Variants in FMNL2 observed in about 807,000 individuals in gnomAD.
FMNL2 encodes formin-like protein 2.
FMNL2 carries 51 observed loss-of-function variants against 130.2 expected under a neutral mutation model. The ratio of observed to expected loss-of-function variants is 0.39; its 90% confidence interval spans 0.31 to 0.49. The LOEUF (loss-of-function observed/expected upper bound fraction) is 0.49. Ranked by LOEUF, FMNL2 falls within the 20% of genes least tolerant of loss-of-function variation. The probability of loss-of-function intolerance (pLI) is 0.85; values close to 1 mark genes in which losing one functional copy is unlikely to be tolerated. For synonymous variants in FMNL2, 465 were observed against 467.1 expected (o/e 1.00, Z 0.06); for missense variants, 977 against 1,316.2 (o/e 0.74, Z 3.99).
intron 1 of FMNL2, among the ~76,000 whole-genome samples, chr2:152,398,592 G>T (rs186337575): frequency 3.3e-5 from 5 of 152,256 alleles, no homozygotes; most frequent in Admixed American, 3.3e-4. Context: ...AGTCCTGAGG[G>T]AGGTAAAACA....
chr2:152,634,827 T>C (rs1314705683), intron 21 of FMNL2, among the ~76,000 whole-genome samples: 1 of 152,196 alleles, frequency 6.6e-6, no homozygotes, highest in East Asian at 1.9e-4. Context: ...ATCTCATTGA[T>C]TTGCTGAGCA....
At chr2:152,602,623 G>A (rs771133308) in intron 9 of FMNL2, among the ~76,000 whole-genome samples, 70 of 152,168 alleles carry the variant, frequency 4.6e-4, no homozygotes, top group Non-Finnish European at 9.4e-4. Context: ...AGAATGACAC[G>A]TTTCAGCTGC....
intron 21 of FMNL2, among the ~76,000 whole-genome samples, chr2:152,634,394 C>T (rs1682407059): frequency 6.6e-6 from 1 of 152,226 alleles, no homozygotes; most frequent in Non-Finnish European, 1.5e-5. Context: ...GACTGTACCA[C>T]TTCACTCCAG....
At chr2:152,345,837 C>T (rs11692786) in intron 1 of FMNL2, among the ~76,000 whole-genome samples, 37,964 of 151,992 alleles carry the variant, frequency 0.25, 6,072 homozygotes, top group East Asian at 0.83. Context: ...GCTTGTGCAG[C>T]CCTTCCTCTT....
At chr2:152,427,053 G>C (rs1041643774) in intron 1 of FMNL2, among the ~76,000 whole-genome samples, 3 of 152,136 alleles carry the variant, frequency 2.0e-5, no homozygotes, top group African/African-American at 7.2e-5. Context: ...CCAACTCCTC[G>C]TAGGAGAGGA....
At chr2:152,626,477 A>G (rs1383784600) in intron 16 of FMNL2, 48 bp from the exon 17 acceptor site, 1 of 1,505,870 alleles carries the variant, frequency 6.6e-7, no homozygotes. Flanking sequence ...TCCGGACTTC[A>G]TTTTTAAATA....
chr2:152,393,535 TTGAC>T (rs752819230), intron 1 of FMNL2, among the ~76,000 whole-genome samples: 4 of 152,258 alleles, frequency 2.6e-5, no homozygotes, highest in African/African-American at 4.8e-5. Flanking sequence ...TAGCTCTTGT[TTGAC>T]TGTCCCCCTG....
At chr2:152,473,794 G>A (rs1264646790) in intron 1 of FMNL2, among the ~76,000 whole-genome samples, 6 of 152,166 alleles carry the variant, frequency 3.9e-5, no homozygotes, top group Admixed American at 2.0e-4. Flanking sequence ...TATGTACAAT[G>A]AATATCTTGG....
In FMNL2 at chr2:152,335,638, C is replaced by T; in HGVS notation, c.35C>T (p.Thr12Ile). 6.3e-7 allele frequency: 1 copy of T among 1,593,618 alleles called. No homozygotes were observed. Among genetic ancestry groups the T allele is most frequent in the East Asian group, 2.4e-5 (1 of 42,332 alleles). Residue 12 changes from threonine (T) to isoleucine (I), a missense_variant, in exon 1 of 26, where the codon ACC becomes ATC. Physicochemically the swap from Thr to Ile is moderately conservative, Grantham distance 89. Coordinates refer to ENST00000288670, the MANE Select transcript of FMNL2 (RefSeq NM_052905.4). ...GNAGSMDSQQ[T>I]DFRAHNVPLK... ...GCAGGGAGCATGGATTCGCAGCAGA[C>T]CGATTTCAGGGCGCACAACGTGCCT...
At chr2:152,512,088 G>A (rs562910082) in intron 1 of FMNL2, among the ~76,000 whole-genome samples, 53 of 152,250 alleles carry the variant, frequency 3.5e-4, no homozygotes, top group African/African-American at 1.2e-3. Context: ...CATTGCCCAT[G>A]AAGGAGTTTT....
At chr2:152,374,405 G>A (rs1684050270) in intron 1 of FMNL2, among the ~76,000 whole-genome samples, 1 of 152,078 alleles carries the variant, frequency 6.6e-6, no homozygotes, top group Admixed American at 6.6e-5. Context: ...CCTTTAGCAC[G>A]CAGATTTTCT....
At chr2:152,384,738 G>A (rs1233924025) in intron 1 of FMNL2, among the ~76,000 whole-genome samples, 4 of 152,166 alleles carry the variant, frequency 2.6e-5, no homozygotes, top group Non-Finnish European at 5.9e-5. Flanking sequence ...TGGAATGCAA[G>A]GGCTTCTGGT....
chr2:152,566,920 G>A (rs561352467), intron 6 of FMNL2, among the ~76,000 whole-genome samples: 1 of 152,284 alleles, frequency 6.6e-6, no homozygotes, highest in South Asian at 2.1e-4. Flanking sequence ...TGATCTGAGC[G>A]GAGGTTCAGT....
chr2:152,525,503 G>C (rs956912524), intron 2 of FMNL2, among the ~76,000 whole-genome samples: 1 of 152,200 alleles, frequency 6.6e-6, no homozygotes. Flanking sequence ...TGGTGATTTG[G>C]CATGAGTGGA....
intron 2 of FMNL2, among the ~76,000 whole-genome samples, chr2:152,540,087 C>CA (rs1340105250): frequency 1.3e-5 from 2 of 151,750 alleles, no homozygotes; most frequent in Non-Finnish European, 2.9e-5. Context: ...GAGACTCTCT[C>CA]AAAAAAATTT....
At chr2:152,455,296 G>A (rs554331738) in intron 1 of FMNL2, among the ~76,000 whole-genome samples, 4 of 152,246 alleles carry the variant, frequency 2.6e-5, no homozygotes, top group South Asian at 2.1e-4. Flanking sequence ...TCAAGGCCTC[G>A]AGGAGAAAAA....
rs770033772 is a variant in FMNL2 at position 152,611,509 on chromosome 2, G to A, written c.966G>A (p.Gln322=). 28 of 1,587,908 alleles carry A rather than the reference G, an allele frequency of 1.8e-5. No individual in the cohort carries two copies. Among genetic ancestry groups the A allele is most frequent in the Non-Finnish European group, 8.6e-7 (1 of 1,165,174 alleles). ...NNIDFMVASM[Q]FINIVVHSVE... ...TTTCATTTCAGGTGGCTTCTATGCA[G>A]TTTATTAATATTGTAGTCCATTCAG... is the stretch of plus-strand genomic sequence containing the variant. Residue 322 remains glutamine (Q), a synonymous_variant, in exon 11 of 26, where the codon CAG becomes CAA. Coordinates refer to ENST00000288670, the MANE Select transcript of FMNL2 (RefSeq NM_052905.4).
At chr2:152,509,805 G>T (rs1220361745) in intron 1 of FMNL2, among the ~76,000 whole-genome samples, 2 of 135,972 alleles carry the variant, frequency 1.5e-5, no homozygotes, top group Non-Finnish European at 3.1e-5. Context: ...GAGTGCAGTG[G>T]CACAATCATG....
intron 3 of FMNL2, among the ~76,000 whole-genome samples, chr2:152,544,116 G>A (rs1339059554): frequency 1.3e-5 from 2 of 152,128 alleles, no homozygotes; most frequent in African/African-American, 2.4e-5. Context: ...AAAGAGGTCT[G>A]TAAAGGAGGA....
Sources: gnomAD v4.1 joint callset for allele counts (sites outside exome capture counted in the v4.1 genomes callset) on GRCh38, gnomAD v4.1.1 for gene constraint, MANE v1.5 for transcripts, NCBI Gene and HGNC (gene_info 2026-07-23, HGNC 2026-07-21) for gene names.